ZBTB20: variants seen among roughly 807,000 people sequenced by gnomAD.
ZBTB20 encodes the protein zinc finger and BTB domain-containing protein 20.
Under a neutral mutation model 56.9 loss-of-function variants are expected in ZBTB20, and 9 were observed. The ratio of observed to expected loss-of-function variants is 0.16; its 90% CI spans 0.10 to 0.28. ZBTB20 has a LOEUF of 0.28. Ranked by LOEUF, ZBTB20 falls within the 10% of genes least tolerant of loss-of-function variation. The probability of loss-of-function intolerance (pLI) is 1.00; values close to 1 mark genes in which losing one functional copy is unlikely to be tolerated. For missense variants in ZBTB20, 655 were observed against 1,003.0 expected (o/e 0.65, Z 4.69); for synonymous variants, 417 against 420.7 (o/e 0.99, Z 0.11).
chr3:114,406,021 A>G (rs930324085), intron 7 of ZBTB20, among the ~76,000 whole-genome samples: 11 of 152,024 alleles, frequency 7.2e-5, no homozygotes, highest in Non-Finnish European at 1.5e-4. Context: ...AAAAAAAAAA[A>G]CCCTACATGC....
At chr3:115,058,986 T>A (rs929786960) in intron 2 of ZBTB20, among the ~76,000 whole-genome samples, 40 of 152,152 alleles carry the variant, frequency 2.6e-4, no homozygotes, top group Non-Finnish European at 5.4e-4. Context: ...ATGTAGTAAA[T>A]TTTTTCATTC....
intron 4 of ZBTB20, among the ~76,000 whole-genome samples, chr3:114,828,588 C>T (rs886594562): frequency 2.7e-4 from 41 of 151,758 alleles, no homozygotes; most frequent in African/African-American, 9.2e-4. Context: ...TGGCATATAT[C>T]AATGCATAGT....
intron 6 of ZBTB20, among the ~76,000 whole-genome samples, chr3:114,627,384 G>T (rs1038059731): frequency 1.2e-4 from 18 of 152,150 alleles, no homozygotes; most frequent in Non-Finnish European, 2.5e-4. Flanking sequence ...TCATTAGCCT[G>T]ATTAAAAGTC....
At chr3:114,569,216 C>T (rs1181627094) in intron 6 of ZBTB20, among the ~76,000 whole-genome samples, 1 of 152,074 alleles carries the variant, frequency 6.6e-6, no homozygotes, top group African/African-American at 2.4e-5. Flanking sequence ...ATGGAAAATG[C>T]CATAATAGGT....
At chr3:115,008,116 C>T (rs1163930995) in intron 2 of ZBTB20, among the ~76,000 whole-genome samples, 1 of 151,878 alleles carries the variant, frequency 6.6e-6, no homozygotes, top group Non-Finnish European at 1.5e-5. Flanking sequence ...TAGCTCCTGC[C>T]CTTATCACAG....
chr3:115,070,064 T>G (rs2082352411), intron 2 of ZBTB20, among the ~76,000 whole-genome samples: 2 of 152,146 alleles, frequency 1.3e-5, no homozygotes, highest in Non-Finnish European at 2.9e-5. Flanking sequence ...TTTTCCTTCT[T>G]GCTTAAACTA....
intron 6 of ZBTB20, among the ~76,000 whole-genome samples, chr3:114,616,740 C>T (rs2057972527): frequency 6.6e-6 from 1 of 152,206 alleles, no homozygotes; most frequent in Admixed American, 6.5e-5. Context: ...CTAAATCCAA[C>T]TGCCAGTCTG....
chr3:114,662,118 T>C (rs973742188), intron 6 of ZBTB20, among the ~76,000 whole-genome samples: 4 of 144,106 alleles, frequency 2.8e-5, no homozygotes, highest in African/African-American at 7.7e-5. Context: ...TGTGATCTCA[T>C]TGTTCAATTC....
At chr3:115,060,118 A>G (rs895044294) in intron 2 of ZBTB20, among the ~76,000 whole-genome samples, 1 of 152,166 alleles carries the variant, frequency 6.6e-6, no homozygotes, top group African/African-American at 2.4e-5. Context: ...ACTTTGTATC[A>G]TTACTCAAAC....
chr3:114,895,688 T>C (rs1455688311), intron 4 of ZBTB20, among the ~76,000 whole-genome samples: 1 of 151,880 alleles, frequency 6.6e-6, no homozygotes, highest in Non-Finnish European at 1.5e-5. Flanking sequence ...TTTTATATTT[T>C]GTCAAGAGAA....
chr3:114,682,339 T>C (rs2062025630), intron 6 of ZBTB20, among the ~76,000 whole-genome samples: 1 of 152,220 alleles, frequency 6.6e-6, no homozygotes, highest in South Asian at 2.1e-4. Context: ...TAATTTATGC[T>C]ACGCACAGAA....
intron 6 of ZBTB20, among the ~76,000 whole-genome samples, chr3:114,605,308 GACA>G (rs1422748418): frequency 1.3e-5 from 2 of 152,104 alleles, no homozygotes. Flanking sequence ...AGAAGCCACA[GACA>G]AGAGCAGGGG....
chr3:114,918,129 C>T (rs774653856), intron 3 of ZBTB20, among the ~76,000 whole-genome samples: 1 of 150,916 alleles, frequency 6.6e-6, no homozygotes, highest in African/African-American at 2.4e-5. Context: ...AGTCTCTTCT[C>T]TTGGACACCA....
At chr3:114,791,978 C>T (rs1253371860) in intron 5 of ZBTB20, 3 of 152,056 alleles carry the variant, frequency 2.0e-5, no homozygotes, top group Non-Finnish European at 4.4e-5. Context: ...TTTCAAATTG[C>T]CTTTTGGGAT....
Position 114,351,133 on chromosome 3 carries a change from G to A in ZBTB20, c.945C>T (p.Pro315=). The change falls in exon 11 of 12, where the codon CCC becomes CCT. Residue 315 remains proline, a synonymous_variant. Coordinates refer to ENST00000675478, the MANE Select transcript of ZBTB20 (RefSeq NM_001348800.3). ...TPETTHCRKQ[P]RPVRIQTLVG... ...CTAGGGTCTGGATGCGCACAGGCCG[G>A]GGCTGCTTGCGGCAGTGCGTGGTCT... 6.2e-7 allele frequency: 1 copy of A among 1,606,332 alleles called. No individual in the cohort carries two copies.
intron 6 of ZBTB20, among the ~76,000 whole-genome samples, chr3:114,561,574 G>A (rs1349699412): frequency 4.6e-5 from 7 of 152,086 alleles, no homozygotes; most frequent in Non-Finnish European, 5.9e-5. Flanking sequence ...GTAGTATGTT[G>A]AAAGAAATCT....
At chr3:114,579,477 A>G (rs1350204015) in intron 6 of ZBTB20, among the ~76,000 whole-genome samples, 3 of 151,558 alleles carry the variant, frequency 2.0e-5, no homozygotes, top group Non-Finnish European at 4.4e-5. Flanking sequence ...AATAAAAATT[A>G]TTGAAAGTAA....
chr3:114,714,984 T>C (rs1212963017), intron 5 of ZBTB20, among the ~76,000 whole-genome samples: 1 of 152,176 alleles, frequency 6.6e-6, no homozygotes, highest in Non-Finnish European at 1.5e-5. Context: ...TAGGTTTTTT[T>C]CCTTCTCCCC....
chr3:114,388,051 T>C (rs2085378830), intron 8 of ZBTB20: 1 of 152,208 alleles, frequency 6.6e-6, no homozygotes, highest in Non-Finnish European at 1.5e-5. Context: ...GAAATATGAA[T>C]GTAAATATCC....
Sources: gnomAD v4.1 joint callset for allele counts (sites outside exome capture counted in the v4.1 genomes callset) on GRCh38, gnomAD v4.1.1 for gene constraint, MANE v1.5 for transcripts, NCBI Gene and HGNC (gene_info 2026-07-23, HGNC 2026-07-21) for gene names.